SMTN: variants seen among roughly 807,000 people sequenced by gnomAD.
SMTN encodes the protein smoothelin.
In SMTN, 58 loss-of-function variants were observed where a neutral mutation model predicts 102.0. The observed-to-expected ratio is 0.57, with a 90% confidence interval of 0.46 to 0.71. The LOEUF is 0.71. SMTN is among the 30% of genes least tolerant of loss of function. The pLI, the probability that SMTN is intolerant of heterozygous loss-of-function variation, is 0.00. For synonymous variants in SMTN, 478 were observed against 497.9 expected (o/e 0.96, Z 0.53); for missense variants, 1,185 against 1,241.7 (o/e 0.95, Z 0.69).
In SMTN at chr22:31,095,478, G is replaced by C; in HGVS notation, c.1785+23G>C. 1 of 1,614,196 alleles carries C rather than the reference G, an allele frequency of 6.2e-7. No homozygotes were observed. ...ATGGTATAGCCAGATCCGGTGGGCTGGGGGTTGGCAGAGGCCAGCAGGCAC... is the reference window on the plus strand; with the variant it reads ...ATGGTATAGCCAGATCCGGTGGGCTCGGGGTTGGCAGAGGCCAGCAGGCAC... On this transcript the variant is annotated intron_variant, in intron 12 of 20. Coordinates refer to ENST00000333137, the MANE Select transcript of SMTN (RefSeq NM_134269.3). This position sits in a 1 kb window ranked among gnomAD's most constrained non-coding sequence, Gnocchi z 4.1.
At chr22:31,068,203 C>T (rs2041908823) in intron 1 of SMTN, 1 of 151,822 alleles carries the variant, frequency 6.6e-6, no homozygotes, top group East Asian at 1.9e-4. Context: ...ACTCGGGAGG[C>T]TGAGGAAGGA....
At chr22:31,070,508 G>A (rs573931279) in intron 1 of SMTN, among the ~76,000 whole-genome samples, 3 of 151,888 alleles carry the variant, frequency 2.0e-5, no homozygotes, top group African/African-American at 7.3e-5. Context: ...CCACCCCCAC[G>A]TCGAGACCAA....
chr22:31,090,008 G>T lies in SMTN; in HGVS notation c.781G>T (p.Val261Leu), dbSNP rs11703526. ...SPTLPSTEGQ[V>L]VNKLLSGPKE... Reference sequence around the variant, plus strand: ...AACGCTCCCCAGCACTGAGGGCCAGGTGGTCAACAAGGTGAGTCTGGATGA... The same window carrying T: ...AACGCTCCCCAGCACTGAGGGCCAGTTGGTCAACAAGGTGAGTCTGGATGA... The change falls in exon 7 of 21, where the codon GTG (valine) becomes TTG (leucine). Residue 261 changes from valine (V) to leucine (L), a missense_variant. Transcript: ENST00000333137. 4,696 of 1,607,704 alleles carry T rather than the reference G, an allele frequency of 2.9e-3. 10 individuals are homozygous for T. The highest frequency in any genetic ancestry group is 3.6e-3 in the Non-Finnish European group (4,247 of 1,176,428).
intron 16 of SMTN, 39 bp from the exon 17 acceptor site, chr22:31,098,628 C>G (rs2147789674): frequency 6.2e-7 from 1 of 1,603,624 alleles, no homozygotes; most frequent in Non-Finnish European, 8.5e-7. Flanking sequence ...GGGAGCAGCC[C>G]TGCTCTCCCT....
Position 31,100,125 on chromosome 22 carries a change from G to A in SMTN, c.2603+229G>A, listed in dbSNP as rs546837674. 1.0e-4 allele frequency among the ~76,000 whole-genome samples: 15 copies of A among 150,080 alleles called. No individual in the cohort carries two copies. The East Asian group carries it at 2.2e-3, about 22-fold the overall frequency. On this transcript the variant is annotated intron_variant, in intron 19 of 20. Transcript: ENST00000333137. ...GAGCCGCAGGCCGGCCTACCAGCCC[G>A]GGCCAAAGCCCACCAGGTGGCCCTG...
chr22:31,090,298 A>C, intron 8 of SMTN, 118 bp downstream of exon 8: 9 of 771,462 alleles, frequency 1.2e-5, no homozygotes, highest in Non-Finnish European at 1.9e-5. Flanking sequence ...AGGTCCATGC[A>C]GTCCCTGATA....
In SMTN at chr22:31,104,574, T is replaced by C; in HGVS notation, c.*279T>C. 2 of 1,076,944 alleles carry C rather than the reference T, an allele frequency of 1.9e-6. No homozygotes were observed. Among genetic ancestry groups the C allele is most frequent in the Non-Finnish European group, 1.4e-6 (1 of 725,660 alleles). The allele number at this position is 1,076,944 out of a possible 1,614,324, so 66.7% of individuals were successfully genotyped here. Reference sequence around the variant, plus strand: ...CGCTGCCCTGTCTGTTGCGACACCCTCCCCCCCACATACACACGCAGCGTT... The same window carrying C: ...CGCTGCCCTGTCTGTTGCGACACCCCCCCCCCCACATACACACGCAGCGTT... On this transcript the variant is annotated 3_prime_UTR_variant, in exon 21 of 21. Coordinates refer to ENST00000333137, the MANE Select transcript of SMTN (RefSeq NM_134269.3).
At chr22:31,085,027 C>A in intron 2 of SMTN, 1 of 1,504,568 alleles carries the variant, frequency 6.6e-7, no homozygotes, top group Non-Finnish European at 8.9e-7. Context: ...CGCGGGCAGT[C>A]GCTTCCGGCC....
Position 31,089,733 on chromosome 22 carries a change from A to T in SMTN, c.506A>T (p.Glu169Val). 1 of 1,606,846 alleles carries T rather than the reference A, an allele frequency of 6.2e-7. No individual in the cohort carries two copies. Among genetic ancestry groups the T allele is most frequent in the Non-Finnish European group, 8.5e-7 (1 of 1,179,342 alleles). Residue 169 changes from glutamate to valine, a missense_variant, in exon 7 of 21, where the codon GAG (glutamate) becomes GTG (valine). Physicochemically the swap from Glu to Val is moderately radical, Grantham distance 121. This residue lies in a region of SMTN where 1,096 missense variants were observed against 1,112.7 expected (regional missense o/e 0.98). Coordinates refer to ENST00000333137, the MANE Select transcript of SMTN (RefSeq NM_134269.3). ...CGAGAGGAACAGGAACAGCAGGCAG[A>T]GGTTTCAAAGCCAACCCCCACCCCT... The part of the protein sequence containing the change: ...PEREEQEQQA[E>V]VSKPTPTPEG...
At chr22:31,085,095 G>C in intron 2 of SMTN, 1 of 1,534,936 alleles carries the variant, frequency 6.5e-7, no homozygotes, top group Non-Finnish European at 8.7e-7. Flanking sequence ...GGGACGCCTG[G>C]GGACTTGCAC....
rs758108371 is a variant in SMTN, at chr22:31,099,062, C to A, written c.2334C>A (p.Gly778=). The A allele has an allele frequency of 1.2e-6, 2 of 1,610,940 alleles. No individual in the cohort carries two copies. Residue 778 remains glycine (G), a splice_region_variant and synonymous_variant, in exon 18 of 21, where the codon GGC becomes GGA. Transcript: ENST00000333137. ...CCTGGTCCTGACACCGCCCCTACAG[C>A]AGCCCTGGCGGACCCCGCGCAGCCG... ...IEKLEKEGAA[G]SPGGPRAAVQ... is the part of the protein sequence containing the mutation.
intron 1 of SMTN, chr22:31,082,618 CA>C (rs1366100429): frequency 1.7e-6 from 1 of 592,758 alleles, no homozygotes; most frequent in Non-Finnish European, 3.3e-6. Flanking sequence ...GGTGCCTGGA[CA>C]CCTGGCTTCA....
Position 31,087,992 on chromosome 22 carries a change from C to A in SMTN, c.79C>A (p.Arg27=), listed in dbSNP as rs200037739. 13 of 1,606,412 alleles carry A rather than the reference C, an allele frequency of 8.1e-6. No individual in the cohort carries two copies. The Admixed American group carries it at 1.0e-4, about 12-fold the overall frequency. ...GGAGGTCACAGCAGATCTGGCAGAG[C>A]GGCGGCGCATCCGCTCAGCCATCCG... ...LLEVTADLAE[R]RRIRSAIREL... Residue 27 remains arginine, a synonymous_variant, in exon 3 of 21, where the codon CGG becomes AGG. Transcript: ENST00000333137.
intron 1 of SMTN, among the ~76,000 whole-genome samples, chr22:31,081,881 G>GT (rs2147539829): frequency 6.6e-6 from 1 of 152,326 alleles, no homozygotes; most frequent in East Asian, 1.9e-4. Context: ...CCTAAGGCTG[G>GT]TGACCACTGG....
chr22:31,076,487 T>A (rs1269659025), upstream of SMTN, among the ~76,000 whole-genome samples: 1 of 152,220 alleles, frequency 6.6e-6, no homozygotes, highest in East Asian at 1.9e-4. Flanking sequence ...TCTCTGAGCC[T>A]CAGTTTCTTT....
At chr22:31,082,514 C>T (rs1230879962) in intron 1 of SMTN, 2 of 482,738 alleles carry the variant, frequency 4.1e-6, no homozygotes, top group Non-Finnish European at 8.5e-6. Flanking sequence ...CCAATCTTCT[C>T]AGTTTGCCTG....
rs139187830 is a variant in SMTN at position 31,091,173 on chromosome 22, C to T, written c.1150C>T (p.Arg384Trp). ...PASSSSGSSSRGPSDTSSRFS... is the reference protein window; with the variant it reads ...PASSSSGSSSWGPSDTSSRFS... ...CTCCTCCTCCAGCGGCTCCTCCTCT[C>T]GGGGCCCCAGTGATACCTCCTCCCG... The change falls in exon 10 of 21, where the codon CGG (arginine) becomes TGG (tryptophan). Residue 384 changes from arginine (R) to tryptophan (W), a missense_variant. Around this residue, in one of 2 missense-constraint regions of SMTN, gnomAD observed 1,096 missense variants for 1,112.7 expected, o/e 0.98. Coordinates refer to ENST00000333137, the MANE Select transcript of SMTN (RefSeq NM_134269.3). The T allele has an allele frequency of 2.6e-5, 42 of 1,613,646 alleles. No homozygotes were observed. The Middle Eastern group carries it at 4.9e-4, about 19-fold the overall frequency.
chr22:31,084,734 A>T (rs1356190938), intron 2 of SMTN, among the ~76,000 whole-genome samples: 1 of 152,150 alleles, frequency 6.6e-6, no homozygotes, highest in Non-Finnish European at 1.5e-5. Flanking sequence ...AGAGTTTTGG[A>T]GAGAAGCTGG....
rs1270187428 is a variant in SMTN at position 31,096,907 on chromosome 22, C to A, written c.2026+10C>A. 9 of 1,603,864 alleles carry A rather than the reference C, an allele frequency of 5.6e-6. No individual in the cohort carries two copies. Among genetic ancestry groups the A allele is most frequent in the Non-Finnish European group, 6.8e-6 (8 of 1,173,880 alleles). On this transcript the variant is annotated intron_variant, in intron 14 of 20. Coordinates refer to ENST00000333137, the MANE Select transcript of SMTN (RefSeq NM_134269.3). ...CGGCTCGTCCACTCCAGTAAGGGGC[C>A]AAATGGGGCCGGCCCAGGGCTCAGG...
Sources: allele counts gnomAD v4.1 joint callset (sites outside exome capture counted in the v4.1 genomes callset), GRCh38; gene constraint gnomAD v4.1.1; regional missense constraint gnomAD v4.1.1; non-coding constraint Gnocchi (gnomAD v3.1); transcripts MANE v1.5; gene names NCBI Gene and HGNC (gene_info 2026-07-23, HGNC 2026-07-21).